Variants in ANKRD36C observed in about 807,000 individuals in gnomAD.
ANKRD36C encodes ankyrin repeat domain 36C.
Under a neutral mutation model 276.4 loss-of-function variants are expected in ANKRD36C, and 61 were observed. The observed-to-expected ratio is 0.22, with a 90% confidence interval of 0.18 to 0.27. The LOEUF (loss-of-function observed/expected upper bound fraction) is 0.27. ANKRD36C is among the 10% of genes least tolerant of loss of function. The probability of loss-of-function intolerance (pLI) is 1.00; values close to 1 mark genes in which losing one functional copy is unlikely to be tolerated. For synonymous variants in ANKRD36C, 483 were observed against 680.1 expected (o/e 0.71, Z 4.51); for missense variants, 1,447 against 2,032.3 (o/e 0.71, Z 5.54).
At chr2:95,925,106 C>T (rs895429534) in intron 30 of ANKRD36C, among the ~76,000 whole-genome samples, 1 of 151,608 alleles carries the variant, frequency 6.6e-6, no homozygotes, top group Non-Finnish European at 1.5e-5. Context: ...CCTCTTATGT[C>T]TTGAACTGTT....
intron 6 of ANKRD36C, among the ~76,000 whole-genome samples, chr2:95,974,883 T>C (rs1678773756): frequency 6.9e-6 from 1 of 145,216 alleles, no homozygotes; most frequent in Non-Finnish European, 1.5e-5. Flanking sequence ...AATTCCCACC[T>C]ATGAGTGAGA....
intron 52 of ANKRD36C, 34 bp from the exon 73 acceptor site, chr2:95,884,402 T>C: frequency 6.2e-7 from 1 of 1,610,590 alleles, no homozygotes; most frequent in Non-Finnish European, 8.5e-7. Context: ...ATCACCCACA[T>C]GCACGTATGA....
At chr2:95,892,298 C>T (rs1254607971) in intron 44 of ANKRD36C, among the ~76,000 whole-genome samples, 5 of 151,472 alleles carry the variant, frequency 3.3e-5, no homozygotes, top group African/African-American at 1.2e-4. Flanking sequence ...CTTTAACTTG[C>T]CCAGTTAATG....
intron 12 of ANKRD36C, among the ~76,000 whole-genome samples, chr2:95,957,026 A>T (rs1436181423): frequency 6.6e-6 from 1 of 151,936 alleles, no homozygotes; most frequent in Non-Finnish European, 1.5e-5. Context: ...AAAAAAAAAA[A>T]TCATGTAGGC....
intron 30 of ANKRD36C, among the ~76,000 whole-genome samples, chr2:95,924,568 C>A (rs1677356184): frequency 6.6e-6 from 1 of 151,606 alleles, no homozygotes; most frequent in Non-Finnish European, 1.5e-5. Flanking sequence ...AAAGAATTTT[C>A]ACTAAATAGC....
rs867433143 is a variant in ANKRD36C, at chr2:95,897,090, G to A, written c.2755+2055C>T. Among the ~76,000 whole-genome samples the A allele has an allele frequency of 3.3e-5, 5 of 150,316 alleles. No homozygotes were observed. In the South Asian group the frequency reaches 6.3e-4, roughly 19 times the overall value. ...ATGGGGAAGTGTATAATCTTACGGC[G>A]AAGATCACGTTCCAGACCAGCAGCA... On this transcript the variant is annotated intron_variant, in intron 44 of 66. Coordinates refer to ENST00000456556, the Ensembl canonical transcript of ANKRD36C.
At position 95,985,292 on chromosome 2, in the gene ANKRD36C, T is replaced by A. The variant is rs190427631; in HGVS notation, c.486+1459A>T. Reference sequence around the variant, plus strand: ...GAGACAGGTAAAAGTCAGGCCAATATTATTGGAAAGGAGAAATTTAAAGGA... The same window carrying A: ...GAGACAGGTAAAAGTCAGGCCAATAATATTGGAAAGGAGAAATTTAAAGGA... On this transcript the variant is annotated intron_variant, in intron 3 of 66. Transcript: ENST00000456556. Among the ~76,000 whole-genome samples the A allele has an allele frequency of 1.4e-3, 216 of 152,278 alleles. 4 individuals carry two copies. In the East Asian group the frequency reaches 0.039, roughly 28 times the overall value.
At chr2:95,948,742 A>G in intron 16 of ANKRD36C, 146 bp from the exon 17 acceptor site, 1 of 661,782 alleles carries the variant, frequency 1.5e-6, no homozygotes, top group Non-Finnish European at 2.4e-6. Flanking sequence ...ATTAAATAAT[A>G]TTTCTTGGTA....
In ANKRD36C at chr2:95,915,973, A is replaced by T. The variant is rs141571603; in HGVS notation, c.2449+7T>A. 0.016 allele frequency: 25,380 copies of T among 1,545,710 alleles called. 275 individuals are homozygous for T. Among genetic ancestry groups the T allele is most frequent in the Non-Finnish European group, 0.02 (22,887 of 1,146,420 alleles). ...AACATGACATTAAATGTGTTTTGCA[A>T]AATTACCTGTCCTAGATATTTCTCC... is the stretch of plus-strand genomic sequence containing the variant. On this transcript the variant is annotated splice_region_variant and intron_variant, in intron 38 of 66. Coordinates refer to ENST00000456556, the Ensembl canonical transcript of ANKRD36C.
At chr2:95,856,894 T>C (rs1675426384) in intron 62 of ANKRD36C, among the ~76,000 whole-genome samples, 1 of 152,152 alleles carries the variant, frequency 6.6e-6, no homozygotes, top group Non-Finnish European at 1.5e-5. Flanking sequence ...ACAAAAATAA[T>C]CTTTTATTTC....
At chr2:95,910,352 T>C in intron 42 of ANKRD36C, 21 bp downstream of exon 46, 1 of 1,529,296 alleles carries the variant, frequency 6.5e-7, no homozygotes. Flanking sequence ...AACACGACAT[T>C]AAATCTGTTT....
At chr2:95,981,531 A>T (rs1678917234) in intron 4 of ANKRD36C, among the ~76,000 whole-genome samples, 1 of 148,530 alleles carries the variant, frequency 6.7e-6, no homozygotes, top group Non-Finnish European at 1.5e-5. Context: ...TGTATATGTA[A>T]TATATGCACA....
At chr2:95,941,738 C>T (rs1399182598) in intron 19 of ANKRD36C, among the ~76,000 whole-genome samples, 2 of 152,306 alleles carry the variant, frequency 1.3e-5, no homozygotes, top group African/African-American at 2.4e-5. Flanking sequence ...AGGGTCCAGC[C>T]GTAAGCAGAT....
chr2:95,914,721 T>A (rs1677040972), intron 38 of ANKRD36C, among the ~76,000 whole-genome samples: 1 of 151,420 alleles, frequency 6.6e-6, no homozygotes, highest in South Asian at 2.1e-4. Context: ...ACTACAAACA[T>A]TCACCATGCT....
At chr2:95,982,135 A>C (rs1678935871) in intron 4 of ANKRD36C, 121 bp downstream of exon 4, 1 of 741,840 alleles carries the variant, frequency 1.3e-6, no homozygotes, top group Admixed American at 3.1e-5. Context: ...ATTTCTCACT[A>C]TATCCCAATA....
downstream of ANKRD36C, among the ~76,000 whole-genome samples, chr2:95,850,455 A>G (rs555426758): frequency 1.3e-5 from 2 of 152,232 alleles, no homozygotes; most frequent in East Asian, 1.9e-4. Context: ...TCATAGGTTG[A>G]TATCTGAAGG....
chr2:95,989,468 C>A (rs1485034208), intron 1 of ANKRD36C, among the ~76,000 whole-genome samples: 1 of 151,886 alleles, frequency 6.6e-6, no homozygotes, highest in African/African-American at 2.4e-5. Context: ...CATCTTCACA[C>A]CTCAACATAC....
At chr2:95,883,209 A>T (rs1475218430) in intron 54 of ANKRD36C, among the ~76,000 whole-genome samples, 1 of 152,134 alleles carries the variant, frequency 6.6e-6, no homozygotes, top group Admixed American at 6.6e-5. Flanking sequence ...AAATGATCAA[A>T]TTTGACATAC....
chr2:95,921,733 C>T (rs1289026283), intron 33 of ANKRD36C, 49 bp downstream of exon 33: 5 of 1,592,786 alleles, frequency 3.1e-6, no homozygotes, highest in Non-Finnish European at 4.3e-6. Context: ...AAGCATGTTT[C>T]ATAGACTATA....
Sources: allele counts gnomAD v4.1 joint callset (sites outside exome capture counted in the v4.1 genomes callset), GRCh38; gene constraint gnomAD v4.1.1; transcripts MANE v1.5; gene names NCBI Gene and HGNC (gene_info 2026-07-23, HGNC 2026-07-21).